The following LDAF1 variants were observed in gnomAD, a reference collection of about 807,000 sequenced individuals.
LDAF1 encodes the protein lipid droplet assembly factor 1.
In LDAF1, 7 loss-of-function variants were observed where a neutral mutation model predicts 13.5. The ratio of observed to expected loss-of-function variants is 0.52; its 90% confidence interval spans 0.29 to 0.97. The LOEUF (loss-of-function observed/expected upper bound fraction) is 0.97. Among genes scored for constraint, LDAF1 ranks in the 50% least tolerant of loss-of-function variants. LDAF1 has a pLI of 0.07. For synonymous variants in LDAF1, 69 were observed against 77.1 expected (o/e 0.89, Z 0.55); for missense variants, 148 against 193.2 (o/e 0.77, Z 1.39).
chr16:21,166,965 G>T, intron 2 of LDAF1: 1 of 1,499,558 alleles, frequency 6.7e-7, no homozygotes, highest in South Asian at 1.2e-5. Context: ...CAAGCTCTTT[G>T]GTGGCTTTTG....
chr16:21,165,630 A>G, intron 2 of LDAF1: 1 of 977,716 alleles, frequency 1.0e-6, no homozygotes, highest in Non-Finnish European at 1.2e-6. Context: ...TTTCCTGCAA[A>G]TCTTTCTACC....
intron 2 of LDAF1, among the ~76,000 whole-genome samples, chr16:21,167,416 A>G (rs142086949): frequency 6.3e-4 from 96 of 152,334 alleles, no homozygotes; most frequent in Non-Finnish European, 1.2e-3. Flanking sequence ...AGTACTGAGG[A>G]GAGAGAAGGC....
intron 3 of LDAF1, among the ~76,000 whole-genome samples, chr16:21,171,899 G>A (rs1201302117): frequency 2.0e-5 from 3 of 151,738 alleles, no homozygotes; most frequent in African/African-American, 4.8e-5. Flanking sequence ...CACCATGCCC[G>A]ACTAATTTTT....
Position 21,169,831 on chromosome 16 carries a change from G to T in LDAF1, c.97-606G>T, listed in dbSNP as rs147464654. ...TTCACAAGGCTTGACCTTGGGTGGG[G>T]ACCTCAGACTTGCCACCTCTCCACA... On this transcript the variant is annotated intron_variant, in intron 2 of 4. Coordinates refer to ENST00000233047, the MANE Select transcript of LDAF1 (RefSeq NM_001301771.2). Among the ~76,000 whole-genome samples, 314 of 152,054 alleles carry T rather than the reference G, an allele frequency of 2.1e-3. 1 individual carries two copies. The highest frequency in any genetic ancestry group is 7.2e-3 in the African/African-American group (299 of 41,458).
chr16:21,174,424 TG>T (rs2093121288), intron 4 of LDAF1, among the ~76,000 whole-genome samples: 1 of 152,182 alleles, frequency 6.6e-6, no homozygotes, highest in African/African-American at 2.4e-5. Flanking sequence ...CTCTAATTCC[TG>T]GGCTCAAGCA....
At chr16:21,175,636 CTT>C (rs2093132223) in intron 4 of LDAF1, among the ~76,000 whole-genome samples, 1 of 152,200 alleles carries the variant, frequency 6.6e-6, no homozygotes, top group South Asian at 2.1e-4. Context: ...TCCAGTAAAA[CTT>C]TATTTACAAA....
intron 2 of LDAF1, among the ~76,000 whole-genome samples, chr16:21,163,265 G>C (rs769691223): frequency 1.3e-5 from 2 of 152,068 alleles, no homozygotes; most frequent in African/African-American, 4.8e-5. Flanking sequence ...AGGAAGGCTC[G>C]GTGTCACCTT....
At chr16:21,169,068 A>T in intron 2 of LDAF1, 1 of 431,674 alleles carries the variant, frequency 2.3e-6, no homozygotes, top group Non-Finnish European at 3.1e-6. Flanking sequence ...TAGACAAGTG[A>T]TTAGCTTTTA....
chr16:21,167,955 G>A (rs1352484229), intron 2 of LDAF1, among the ~76,000 whole-genome samples: 1 of 146,722 alleles, frequency 6.8e-6, no homozygotes, highest in African/African-American at 2.5e-5. Flanking sequence ...GCAGTGAGCC[G>A]AGATCTTGCC....
chr16:21,165,697 T>C, intron 2 of LDAF1: 1 of 810,296 alleles, frequency 1.2e-6, no homozygotes, highest in African/African-American at 1.9e-5. Context: ...TTTAATCATG[T>C]CATAGTTCTG....
intron 2 of LDAF1, chr16:21,165,478 C>T (rs2093015027): frequency 1.8e-6 from 1 of 542,058 alleles, no homozygotes; most frequent in Admixed American, 6.4e-5. Flanking sequence ...TTGCCTGTTT[C>T]CTTTTATATC....
intron 2 of LDAF1, among the ~76,000 whole-genome samples, chr16:21,168,626 A>G (rs2093050064): frequency 1.4e-5 from 2 of 141,858 alleles, no homozygotes; most frequent in Admixed American, 7.2e-5. Context: ...GATAACTAAT[A>G]TTAGTATAAT....
chr16:21,169,451 G>A (rs944032535), intron 2 of LDAF1, among the ~76,000 whole-genome samples: 34 of 151,988 alleles, frequency 2.2e-4, no homozygotes, highest in African/African-American at 6.8e-4. Context: ...TAGGACTGTG[G>A]GTATGTGCTG....
Position 21,179,752 on chromosome 16 carries a change from AAGC to A in LDAF1, c.*202_*204del. The A allele has an allele frequency of 1.8e-6, 1 of 549,852 alleles. No homozygotes were observed. Among genetic ancestry groups the A allele is most frequent in the East Asian group, 3.2e-5 (1 of 31,526 alleles). The allele number at this position is 549,852 out of a possible 1,614,324, so 34.1% of individuals were successfully genotyped here. ...TTCTTGTGTTGGTTCCCATGTAAAG[AAGC>A]AGCAGAGAAATGCGATGGTTCAACA... On this transcript the variant is annotated 3_prime_UTR_variant, in exon 5 of 5. Coordinates refer to ENST00000233047, the MANE Select transcript of LDAF1 (RefSeq NM_001301771.2).
intron 2 of LDAF1, chr16:21,166,900 G>A (rs1455830989): frequency 6.5e-7 from 1 of 1,535,642 alleles, no homozygotes; most frequent in South Asian, 1.2e-5. Context: ...GCTGGGCAGT[G>A]CTGGCTCCAA....
Position 21,179,574 on chromosome 16 carries a change from G to C in LDAF1, c.*18G>C, listed in dbSNP as rs200657852. ...AGGAATGAGTGACTGCTCAGAGGCC[G>C]GGCTTCTTTTCAAGTACTGCTGGAT... is the stretch of plus-strand genomic sequence containing the variant. On this transcript the variant is annotated 3_prime_UTR_variant, in exon 5 of 5. Coordinates refer to ENST00000233047, the MANE Select transcript of LDAF1 (RefSeq NM_001301771.2). 38 of 1,608,326 alleles carry C rather than the reference G, an allele frequency of 2.4e-5. No individual in the cohort carries two copies. The highest frequency in any genetic ancestry group is 3.1e-5 in the Non-Finnish European group (36 of 1,175,392).
chr16:21,170,793 A>G (rs1167003980), intron 3 of LDAF1, among the ~76,000 whole-genome samples, 188 bp downstream of exon 3: 1 of 152,056 alleles, frequency 6.6e-6, no homozygotes, highest in African/African-American at 2.4e-5. Flanking sequence ...GCCATGGGCT[A>G]CCATGCCTGG....
chr16:21,165,569 T>TCTTC (rs2093016141), intron 2 of LDAF1: 1 of 983,546 alleles, frequency 1.0e-6, no homozygotes. Flanking sequence ...CTCCCCCTTC[T>TCTTC]CTTCCCTCTC....
intron 3 of LDAF1, among the ~76,000 whole-genome samples, chr16:21,173,719 A>G (rs981543554): frequency 1.3e-5 from 2 of 149,422 alleles, no homozygotes; most frequent in African/African-American, 4.9e-5. Flanking sequence ...TCAAAAAAGA[A>G]AAAAAAAAAG....
Sources: gnomAD v4.1 joint callset for allele counts (sites outside exome capture counted in the v4.1 genomes callset) on GRCh38, gnomAD v4.1.1 for gene constraint, MANE v1.5 for transcripts, NCBI Gene and HGNC (gene_info 2026-07-23, HGNC 2026-07-21) for gene names.